Variants in ZFHX3 observed in about 807,000 individuals in gnomAD.
The protein encoded by ZFHX3 is zinc finger homeobox 3, also known as zinc finger homeobox protein 3.
In ZFHX3, 42 loss-of-function variants were observed where a neutral mutation model predicts 279.1. The ratio of observed to expected loss-of-function variants is 0.15; its 90% CI spans 0.12 to 0.19. The LOEUF (loss-of-function observed/expected upper bound fraction) is 0.19. Among genes scored for constraint, ZFHX3 ranks in the 10% least tolerant of loss-of-function variants. The probability of loss-of-function intolerance (pLI) is 1.00; values close to 1 mark genes in which losing one functional copy is unlikely to be tolerated. For synonymous variants in ZFHX3, 2,293 were observed against 1,957.8 expected, an observed-to-expected ratio of 1.17 and a Z score of -4.52; for missense variants, 4,981 against 4,754.0, an observed-to-expected ratio of 1.05 and a Z score of -1.40.
intron 5 of ZFHX3, among the ~76,000 whole-genome samples, chr16:73,198,534 A>G (rs544720319): frequency 2.7e-5 from 4 of 148,620 alleles, no homozygotes; most frequent in East Asian, 2.0e-4. Context: ...TTCGTTGATT[A>G]TCGAGAAACA....
At chr16:73,495,057 G>C (rs911745463) in intron 2 of ZFHX3, among the ~76,000 whole-genome samples, 5 of 152,222 alleles carry the variant, frequency 3.3e-5, no homozygotes, top group African/African-American at 1.2e-4. Flanking sequence ...AATTTATTTA[G>C]TGTGTGTCTG....
intron 2 of ZFHX3, among the ~76,000 whole-genome samples, chr16:73,658,248 T>C (rs2052742382): frequency 6.6e-6 from 1 of 152,222 alleles, no homozygotes; most frequent in Non-Finnish European, 1.5e-5. Context: ...AAAAAATGTT[T>C]CTCATTTATT....
chr16:73,114,042 C>A (rs1305581867), intron 7 of ZFHX3, among the ~76,000 whole-genome samples: 1 of 151,804 alleles, frequency 6.6e-6, no homozygotes. Context: ...GTGATCTGCT[C>A]GCCTCGGCCT....
chr16:72,870,152 G>A (rs1177247754), intron 4 of ZFHX3, among the ~76,000 whole-genome samples: 3 of 152,208 alleles, frequency 2.0e-5, no homozygotes, highest in Non-Finnish European at 4.4e-5. Context: ...AGCACTTTGG[G>A]AGGCCAAAGC....
At chr16:73,307,256 T>C (rs1308976885) in intron 4 of ZFHX3, among the ~76,000 whole-genome samples, 1 of 152,202 alleles carries the variant, frequency 6.6e-6, no homozygotes. Flanking sequence ...GCCTGCTGAA[T>C]ACCTTTGAAA....
chr16:73,486,847 T>C, intron 2 of ZFHX3: 1 of 456,076 alleles, frequency 2.2e-6, no homozygotes. Flanking sequence ...TCTCAGGCTT[T>C]ACCCAGAACC....
chr16:73,469,614 A>AAT (rs201444740), intron 2 of ZFHX3, among the ~76,000 whole-genome samples: 26 of 145,358 alleles, frequency 1.8e-4, no homozygotes, highest in Admixed American at 8.1e-4. Flanking sequence ...CCCAACCTCC[A>AAT]ATATATATAT....
intron 2 of ZFHX3, among the ~76,000 whole-genome samples, chr16:73,662,863 G>A (rs1479528915): frequency 6.6e-6 from 1 of 152,130 alleles, no homozygotes; most frequent in Non-Finnish European, 1.5e-5. Flanking sequence ...GTGGGCGGGG[G>A]AGAAGGGGTG....
At chr16:73,830,351 A>C (rs567987498) in intron 1 of ZFHX3, among the ~76,000 whole-genome samples, 122 of 151,038 alleles carry the variant, frequency 8.1e-4, no homozygotes, top group Middle Eastern at 3.4e-3. Flanking sequence ...GGAAATGCAG[A>C]AATCACCCGT....
intron 2 of ZFHX3, among the ~76,000 whole-genome samples, chr16:73,676,410 T>TC (rs2052954813): frequency 6.6e-6 from 1 of 150,566 alleles, no homozygotes; most frequent in South Asian, 2.1e-4. Context: ...ATAATGACTT[T>TC]TTTCCCCTTA....
intron 1 of ZFHX3, among the ~76,000 whole-genome samples, chr16:73,733,030 G>A (rs2053582118): frequency 6.6e-6 from 1 of 152,142 alleles, no homozygotes; most frequent in African/African-American, 2.4e-5. Flanking sequence ...TTTAATGTTA[G>A]GTGATGCTTT....
intron 3 of ZFHX3, among the ~76,000 whole-genome samples, chr16:73,429,669 T>C (rs530675388): frequency 3.3e-5 from 5 of 152,050 alleles, no homozygotes; most frequent in Non-Finnish European, 7.4e-5. Flanking sequence ...TTTTTAAAAA[T>C]GTAAAATTGC....
At chr16:73,566,973 A>G (rs1005480219) in intron 2 of ZFHX3, among the ~76,000 whole-genome samples, 3 of 152,170 alleles carry the variant, frequency 2.0e-5, no homozygotes, top group African/African-American at 7.2e-5. Context: ...TGTTGGGATT[A>G]CAGGCACGAG....
intron 2 of ZFHX3, among the ~76,000 whole-genome samples, chr16:73,526,196 G>C (rs2019691004): frequency 6.6e-6 from 1 of 152,222 alleles, no homozygotes; most frequent in Admixed American, 6.5e-5. Flanking sequence ...TAAGCACTCA[G>C]AGAAACAATT....
chr16:73,450,446 G>A (rs1251023158), intron 3 of ZFHX3, among the ~76,000 whole-genome samples: 1 of 149,192 alleles, frequency 6.7e-6, no homozygotes, highest in Admixed American at 7.0e-5. Context: ...GCGGACATGT[G>A]TCATTTTTAT....
At chr16:73,101,601 C>A (rs12598160) in intron 7 of ZFHX3, among the ~76,000 whole-genome samples, 56,325 of 151,416 alleles carry the variant, frequency 0.37, 10,784 homozygotes, top group East Asian at 0.63. Context: ...GGGGTTTCAC[C>A]ATGTTGGCCA....
At chr16:72,960,333 G>C (rs1961514866) in intron 1 of ZFHX3, 139 bp from the exon 2 acceptor site, 2 of 625,004 alleles carry the variant, frequency 3.2e-6, no homozygotes, top group Non-Finnish European at 5.0e-6. Context: ...GAGACACAGG[G>C]CGGAGGGCGG....
intron 2 of ZFHX3, among the ~76,000 whole-genome samples, chr16:73,471,332 G>C (rs530597961): frequency 1.3e-5 from 2 of 152,252 alleles, no homozygotes; most frequent in South Asian, 4.1e-4. Context: ...AAAGAGATTA[G>C]CCAAGGTAGG....
At chr16:73,665,216 T>TC (rs1232159033) in intron 2 of ZFHX3, among the ~76,000 whole-genome samples, 2 of 150,916 alleles carry the variant, frequency 1.3e-5, no homozygotes, top group Non-Finnish European at 3.0e-5. Context: ...ATTGCACTTT[T>TC]TTTTTTTTTT....
Sources: gnomAD v4.1 joint callset for allele counts (sites outside exome capture counted in the v4.1 genomes callset) on GRCh38, gnomAD v4.1.1 for gene constraint, MANE v1.5 for transcripts, NCBI Gene and HGNC (gene_info 2026-07-23, HGNC 2026-07-21) for gene names.